Variants in GPR173 observed in about 807,000 individuals in gnomAD.
GPR173 encodes probable G protein-coupled receptor 173.
GPR173 carries 2 observed loss-of-function variants against 13.9 expected under a neutral mutation model. The observed-to-expected ratio is 0.14, with a 90% confidence interval of 0.06 to 0.45. GPR173 has a LOEUF of 0.45. Among genes scored for constraint, GPR173 ranks in the 20% least tolerant of loss-of-function variants. The pLI is 0.98. For missense variants in GPR173, 202 were observed against 340.5 expected (o/e 0.59, Z 3.20); for synonymous variants, 131 against 141.0 (o/e 0.93, Z 0.50).
At position 53,076,833 on chromosome X, in the gene GPR173, G is replaced by A; in HGVS notation, c.212G>A (p.Arg71His). Residue 71 changes from arginine to histidine, a missense_variant, in exon 2 of 2, where the codon CGC becomes CAC. Arg to His is a conservative substitution (Grantham distance 29, BLOSUM62 0). This residue lies in a region of GPR173 where 98 missense variants were observed against 137.2 expected (regional missense o/e 0.71). Transcript: ENST00000332582. ...LLDLCLADGI[R>H]SAVCFPFVLA... ...GACCTGTGCCTGGCCGATGGCATAC[G>A]CTCTGCCGTCTGCTTCCCCTTTGTG... 8.3e-7 allele frequency: 1 copy of A among 1,209,574 alleles called. No individual in the cohort carries two copies. The highest frequency in any genetic ancestry group is 1.1e-6 in the Non-Finnish European group (1 of 894,419).
chrX:53,057,881 G>A (rs782674647), intron 1 of GPR173, among the ~76,000 whole-genome samples: 1 of 112,573 alleles, frequency 8.9e-6, no homozygotes, highest in Non-Finnish European at 1.9e-5. Flanking sequence ...AAGCCATTAC[G>A]TACTACCATA....
intron 1 of GPR173, among the ~76,000 whole-genome samples, chrX:53,073,605 C>A (rs1318313048): frequency 9.3e-6 from 1 of 107,127 alleles, no homozygotes; most frequent in African/African-American, 3.4e-5. Context: ...CATTTAATCC[C>A]TCAATCAATT....
At chrX:53,058,424 CGTGT>C (rs112505843) in intron 1 of GPR173, among the ~76,000 whole-genome samples, 6,181 of 100,785 alleles carry the variant, frequency 0.061, 389 homozygotes, top group African/African-American at 0.16. Flanking sequence ...TCCAGGTGCA[CGTGT>C]GTGTGTGTGT....
Position 53,080,416 on chromosome X carries a change from T to C in GPR173, c.*2673T>C, listed in dbSNP as rs1932518057. 1 of 121,563 alleles carries C rather than the reference T, an allele frequency of 8.2e-6. No individual in the cohort carries two copies. The highest frequency in any genetic ancestry group is 3.3e-5 in the African/African-American group (1 of 30,266). 10.0% of individuals were successfully genotyped at this position (121,563 alleles called of 1,213,427 possible). ...GGTCCATGTGAGGCCCTTTTATTTT[T>C]TTTTCTTCAGTTTTGTCCCCTTCAT... On this transcript the variant is annotated 3_prime_UTR_variant, in exon 2 of 2. Coordinates refer to ENST00000332582, the MANE Select transcript of GPR173 (RefSeq NM_018969.6).
intron 1 of GPR173, among the ~76,000 whole-genome samples, chrX:53,071,751 G>T (rs1932260389): frequency 8.9e-6 from 1 of 112,425 alleles, no homozygotes; most frequent in Non-Finnish European, 1.9e-5. Flanking sequence ...GCTGGCGCTC[G>T]GAGAGGGTAC....
At chrX:53,071,613 C>T (rs1932258245) in intron 1 of GPR173, among the ~76,000 whole-genome samples, 1 of 112,183 alleles carries the variant, frequency 8.9e-6, no homozygotes, top group Non-Finnish European at 1.9e-5. Flanking sequence ...GGATGGCCAA[C>T]ATCCTCCCCG....
intron 1 of GPR173, among the ~76,000 whole-genome samples, chrX:53,059,788 T>C (rs1471785057): frequency 1.3e-5 from 1 of 77,274 alleles, no homozygotes; most frequent in Non-Finnish European, 2.3e-5. Context: ...TGAGACCATG[T>C]CTCAAAAAAA....
Position 53,065,911 on chromosome X carries a change from G to C in GPR173, c.-97-10614G>C, listed in dbSNP as rs189330153. Reference sequence around the variant, plus strand: ...GCCCAGGAGTTTGAGACCAACCTGGGCAACGTGACGAAACCCTGTCTCTAC... The same window carrying C: ...GCCCAGGAGTTTGAGACCAACCTGGCCAACGTGACGAAACCCTGTCTCTAC... On this transcript the variant is annotated intron_variant, in intron 1 of 1. Coordinates refer to ENST00000332582, the MANE Select transcript of GPR173 (RefSeq NM_018969.6). 4.5e-5 allele frequency among the ~76,000 whole-genome samples: 5 copies of C among 110,552 alleles called. No homozygotes were observed. In the East Asian group the frequency reaches 1.4e-3, roughly 31 times the overall value.
At chrX:53,075,725 C>T (rs1379052727) in intron 1 of GPR173, among the ~76,000 whole-genome samples, 1 of 110,430 alleles carries the variant, frequency 9.1e-6, no homozygotes, top group Non-Finnish European at 1.9e-5. Flanking sequence ...TTGCTCTCAC[C>T]GTTCCTGCCT....
At chrX:53,072,133 T>C (rs1932265901) in intron 1 of GPR173, among the ~76,000 whole-genome samples, 2 of 102,401 alleles carry the variant, frequency 2.0e-5, no homozygotes, top group Non-Finnish European at 4.0e-5. Context: ...TTGCTGCTAT[T>C]GTTTGGGGGG....
intron 1 of GPR173, among the ~76,000 whole-genome samples, chrX:53,054,077 C>CCAT (rs201444669): frequency 0.018 from 2,004 of 111,626 alleles, 37 homozygotes; most frequent in African/African-American, 0.062. Context: ...CCAAATTATG[C>CCAT]CATCCAGGCA....
At chrX:53,069,378 T>C (rs1556804563) in intron 1 of GPR173, among the ~76,000 whole-genome samples, 1 of 111,552 alleles carries the variant, frequency 9.0e-6, no homozygotes, top group African/African-American at 3.3e-5. Context: ...GTAATAATCA[T>C]ACTATCTGGA....
intron 1 of GPR173, among the ~76,000 whole-genome samples, chrX:53,068,952 CTTTTTTTTTTTT>C (rs144589965): frequency 1.5e-5 from 1 of 64,914 alleles, no homozygotes; most frequent in African/African-American, 8.3e-5. Flanking sequence ...GACCTTGTCT[CTTTTTTTTTTTT>C]TTTTTTTTTG....
intron 1 of GPR173, among the ~76,000 whole-genome samples, chrX:53,059,841 T>G (rs1403482890): frequency 2.0e-5 from 2 of 101,836 alleles, no homozygotes. Context: ...ATAGAAAAAT[T>G]AGCCGGGCAT....
chrX:53,058,423 A>G (rs1932070661), intron 1 of GPR173, among the ~76,000 whole-genome samples: 1 of 82,201 alleles, frequency 1.2e-5, no homozygotes, highest in Non-Finnish European at 2.1e-5. Flanking sequence ...ATCCAGGTGC[A>G]CGTGTGTGTG....
intron 1 of GPR173, among the ~76,000 whole-genome samples, chrX:53,064,571 CA>C (rs1179990469): frequency 4.5e-4 from 43 of 96,554 alleles, no homozygotes; most frequent in Admixed American, 6.8e-4. Context: ...GACTCTGTCT[CA>C]AAAAAAAAAA....
At chrX:53,073,423 C>T (rs1340594504) in intron 1 of GPR173, among the ~76,000 whole-genome samples, 1 of 110,437 alleles carries the variant, frequency 9.1e-6, no homozygotes, top group Non-Finnish European at 1.9e-5. Flanking sequence ...TCACTGCCTT[C>T]CCTCTGGGAC....
At chrX:53,072,862 C>A (rs1039487183) in intron 1 of GPR173, among the ~76,000 whole-genome samples, 1 of 111,639 alleles carries the variant, frequency 9.0e-6, no homozygotes, top group Non-Finnish European at 1.9e-5. Flanking sequence ...CTGCTCAGCC[C>A]CTGCCCTAGC....
intron 1 of GPR173, among the ~76,000 whole-genome samples, chrX:53,069,168 C>T (rs1952083697): frequency 9.4e-6 from 1 of 106,518 alleles, no homozygotes; most frequent in Admixed American, 1.0e-4. Flanking sequence ...CCATGTTAGC[C>T]GGGCTGGTCT....
Sources: gnomAD v4.1 joint callset for allele counts (sites outside exome capture counted in the v4.1 genomes callset) on GRCh38, gnomAD v4.1.1 for gene constraint, gnomAD v4.1.1 regional missense constraint, MANE v1.5 for transcripts, NCBI Gene and HGNC (gene_info 2026-07-23, HGNC 2026-07-21) for gene names.